The following ENTPD5 variants were observed in gnomAD, a reference collection of about 807,000 sequenced individuals.
The protein encoded by ENTPD5 is nucleoside diphosphate phosphatase ENTPD5.
ENTPD5 carries 49 observed loss-of-function variants against 60.2 expected under a neutral mutation model. The ratio of observed to expected loss-of-function variants is 0.81; its 90% CI spans 0.65 to 1.03. The LOEUF is 1.03. Among genes scored for constraint, ENTPD5 ranks in the 50% least tolerant of loss-of-function variants. The pLI, the probability that ENTPD5 is intolerant of heterozygous loss-of-function variation, is 0.00. For synonymous variants in ENTPD5, 187 were observed against 185.4 expected (o/e 1.01, Z -0.07); for missense variants, 480 against 507.6 (o/e 0.95, Z 0.52).
In ENTPD5 at chr14:74,011,128, CT is replaced by C; in HGVS notation, c.-109del. 3.4e-6 allele frequency: 3 copies of C among 883,558 alleles called. No individual in the cohort carries two copies. The highest frequency in any genetic ancestry group is 4.1e-6 in the Non-Finnish European group (3 of 737,264). The allele number at this position is 883,558 out of a possible 1,614,324, so 54.7% of individuals were successfully genotyped here. A position where few individuals can be genotyped will look rare whatever the true frequency, so the allele number is the denominator to read the frequency against. ...TCCTTCTGAATTTTCTCCTTGGTTC[CT>C]TTATTATATCACTTTTTCAACCTGT... On this transcript the variant is annotated 5_prime_UTR_variant, in exon 3 of 16. Coordinates refer to ENST00000334696, the MANE Select transcript of ENTPD5 (RefSeq NM_001249.5).
chr14:73,957,096 T>G (rs1449280932), downstream of ENTPD5, among the ~76,000 whole-genome samples: 1 of 128,236 alleles, frequency 7.8e-6, no homozygotes, highest in Admixed American at 7.9e-5. Flanking sequence ...ATTATTATTA[T>G]TATTATTTTT....
At position 73,977,057 on chromosome 14, in the gene ENTPD5, T is replaced by C. The variant is rs1207411369; in HGVS notation, c.520A>G (p.Ile174Val). 1 of 1,613,186 alleles carries C rather than the reference T, an allele frequency of 6.2e-7. No homozygotes were observed. The highest frequency in any genetic ancestry group is 8.5e-7 in the Non-Finnish European group (1 of 1,179,580). Residue 174 changes from isoleucine (I) to valine (V), a missense_variant and splice_region_variant, in exon 8 of 16, where the codon ATA becomes GTA. By Grantham distance (29) the Ile-to-Val change is conservative. Coordinates refer to ENST00000334696, the MANE Select transcript of ENTPD5 (RefSeq NM_001249.5). ...AAATTCACAGTAACCCAAGCTAATATGCCTAAAAAGAAAGAAAGACAAGGA... is the reference window on the plus strand; with the variant it reads ...AAATTCACAGTAACCCAAGCTAATACGCCTAAAAAGAAAGAAAGACAAGGA... ...VSIMDGSDEG[I>V]LAWVTVNFLT...
At chr14:74,011,677 A>T (rs1287330887) in intron 2 of ENTPD5, among the ~76,000 whole-genome samples, 1 of 152,216 alleles carries the variant, frequency 6.6e-6, no homozygotes, top group East Asian at 1.9e-4. Flanking sequence ...ATGTGCCTGT[A>T]GTCCCAGCTA....
chr14:74,004,693 G>A (rs1183062662), intron 3 of ENTPD5, among the ~76,000 whole-genome samples: 1 of 151,206 alleles, frequency 6.6e-6, no homozygotes, highest in Non-Finnish European at 1.5e-5. Flanking sequence ...CCTCCATAGG[G>A]CTGCTTGAAT....
chr14:73,989,388 C>G (rs536903198), intron 3 of ENTPD5, among the ~76,000 whole-genome samples: 1 of 147,998 alleles, frequency 6.8e-6, no homozygotes, highest in East Asian at 2.0e-4. Flanking sequence ...ATGGTGAAAC[C>G]CTGTATCTAC....
At chr14:73,978,877 T>A (rs1001868438) in intron 6 of ENTPD5, among the ~76,000 whole-genome samples, 1 of 151,622 alleles carries the variant, frequency 6.6e-6, no homozygotes. Context: ...GCCATTGCAC[T>A]CCGTCCTGGG....
intron 13 of ENTPD5, 124 bp downstream of exon 13, chr14:73,972,760 G>A (rs753200718): frequency 1.2e-4 from 129 of 1,121,422 alleles, no homozygotes; most frequent in Middle Eastern, 4.4e-4. Context: ...CCTTTTGTTC[G>A]AGTGACTAGA....
chr14:73,983,207 G>A (rs2140583143), intron 5 of ENTPD5, 46 bp from the exon 6 acceptor site: 1 of 1,573,940 alleles, frequency 6.4e-7, no homozygotes, highest in Non-Finnish European at 8.6e-7. Flanking sequence ...TCCATTTAGT[G>A]GCTGGCACTG....
At chr14:74,008,560 A>G (rs941518427) in intron 3 of ENTPD5, among the ~76,000 whole-genome samples, 2 of 151,628 alleles carry the variant, frequency 1.3e-5, no homozygotes, top group Non-Finnish European at 2.9e-5. Flanking sequence ...TGCCCGGCTA[A>G]CTTTTTGTGT....
chr14:74,006,318 C>T (rs1250918344), intron 3 of ENTPD5, among the ~76,000 whole-genome samples: 13 of 140,210 alleles, frequency 9.3e-5, no homozygotes, highest in Admixed American at 1.5e-4. Context: ...GAGTCTCGCT[C>T]TGCTGCCCAG....
At chr14:73,968,579 C>A (rs1351227400) in intron 15 of ENTPD5, among the ~76,000 whole-genome samples, 1 of 152,040 alleles carries the variant, frequency 6.6e-6, no homozygotes, top group Non-Finnish European at 1.5e-5. Context: ...GCACCTGCCA[C>A]CACGCCCGGC....
intron 3 of ENTPD5, among the ~76,000 whole-genome samples, chr14:74,006,677 C>G (rs1375436736): frequency 6.6e-6 from 1 of 151,756 alleles, no homozygotes; most frequent in Non-Finnish European, 1.5e-5. Context: ...CCTTCACCTC[C>G]TGAGCTCAAA....
At chr14:73,997,482 T>C (rs2058373747) in intron 3 of ENTPD5, among the ~76,000 whole-genome samples, 1 of 152,118 alleles carries the variant, frequency 6.6e-6, no homozygotes, top group Non-Finnish European at 1.5e-5. Context: ...TCATCTGAGC[T>C]CCACAGCAAA....
chr14:73,958,575 T>C (rs1647783114), downstream of ENTPD5: 1 of 1,294,502 alleles, frequency 7.7e-7, no homozygotes, highest in Admixed American at 3.3e-5. Flanking sequence ...TCTGTGGTCA[T>C]TGATCTCTTG....
rs1046771230 is a variant in ENTPD5, at chr14:73,963,502, G to C, written c.*3426C>G. The C allele has an allele frequency of 8.0e-5, 14 of 174,916 alleles. No individual in the cohort carries two copies. In the East Asian group the frequency reaches 2.4e-3, roughly 29 times the overall value. The allele number at this position is 174,916 out of a possible 1,614,324, so 10.8% of individuals were successfully genotyped here. ...ACTGGACTTTCTGAAAGGAAAACCA[G>C]GTCTCATTAATGCTAGTTATTACTT... On this transcript the variant is annotated 3_prime_UTR_variant, in exon 16 of 16. Coordinates refer to ENST00000334696, the MANE Select transcript of ENTPD5 (RefSeq NM_001249.5).
chr14:73,968,384 C>T (rs2140462706), intron 15 of ENTPD5, among the ~76,000 whole-genome samples: 1 of 151,728 alleles, frequency 6.6e-6, no homozygotes, highest in South Asian at 2.1e-4. Context: ...CTGCTTCAAC[C>T]AGAATAGTTC....
intron 6 of ENTPD5, among the ~76,000 whole-genome samples, chr14:73,977,939 C>T (rs74502622): frequency 3.9e-3 from 590 of 152,294 alleles, no homozygotes; most frequent in Non-Finnish European, 5.5e-3. Context: ...GCAAAAACAT[C>T]TTGCCTCTCC....
intron 3 of ENTPD5, among the ~76,000 whole-genome samples, chr14:73,999,855 C>G (rs188853969): frequency 1.5e-3 from 231 of 151,562 alleles, no homozygotes; most frequent in Non-Finnish European, 2.9e-3. Flanking sequence ...TTGGGGAGGC[C>G]AAGGCGGGCG....
Position 73,983,114 on chromosome 14 carries a change from G to A in ENTPD5, c.345C>T (p.Ile115=). 1 of 1,614,120 alleles carries A rather than the reference G, an allele frequency of 6.2e-7. No homozygotes were observed. Among genetic ancestry groups the A allele is most frequent in the Non-Finnish European group, 8.5e-7 (1 of 1,179,990 alleles). The change falls in exon 6 of 16, where the codon ATC becomes ATT. Residue 115 remains isoleucine, a synonymous_variant. Transcript: ENST00000334696. Reference sequence around the variant, plus strand: ...GGGTCTTTTTCCAGTGACTTCGGGGGATTGAGTCTTTGGCCACCTCTAAGA... The same window carrying A: ...GGGTCTTTTTCCAGTGACTTCGGGGAATTGAGTCTTTGGCCACCTCTAAGA... ...QGLLEVAKDS[I]PRSHWKKTPV...
Sources: gnomAD v4.1 joint callset for allele counts (sites outside exome capture counted in the v4.1 genomes callset) on GRCh38, gnomAD v4.1.1 for gene constraint, MANE v1.5 for transcripts, NCBI Gene and HGNC (gene_info 2026-07-23, HGNC 2026-07-21) for gene names.